HS3ST3A1: variants seen among roughly 807,000 people sequenced by gnomAD.
HS3ST3A1 encodes the protein heparan sulfate glucosamine 3-O-sulfotransferase 3A1.
A neutral mutation model predicts 25.7 loss-of-function variants in HS3ST3A1; 19 were observed. The observed-to-expected ratio is 0.74, with a 90% CI of 0.52 to 1.08. HS3ST3A1 has a LOEUF of 1.08. HS3ST3A1 is among the 50% of genes least tolerant of loss of function. The pLI is 0.00. For missense variants in HS3ST3A1, 459 were observed against 594.3 expected, an observed-to-expected ratio of 0.77 and a Z score of 2.37; for synonymous variants, 226 against 278.6, an observed-to-expected ratio of 0.81 and a Z score of 1.88.
At chr17:13,522,597 ATAT>A in intron 1 of HS3ST3A1, among the ~76,000 whole-genome samples, 1 of 152,282 alleles carries the variant, frequency 6.6e-6, no homozygotes, top group East Asian at 1.9e-4. Context: ...GGCTTATTAT[ATAT>A]TTCAGGAGAC....
chr17:13,588,481 C>T (rs1299149820), intron 1 of HS3ST3A1, among the ~76,000 whole-genome samples: 1 of 152,148 alleles, frequency 6.6e-6, no homozygotes, highest in African/African-American at 2.4e-5. Flanking sequence ...TCAAACATGA[C>T]TTCCATGTAC....
chr17:13,567,348 T>C (rs1476863039), intron 1 of HS3ST3A1, among the ~76,000 whole-genome samples: 1 of 152,238 alleles, frequency 6.6e-6, no homozygotes, highest in Non-Finnish European at 1.5e-5. Flanking sequence ...ATCTAAGATC[T>C]CTGAGGTATA....
chr17:13,514,010 G>A (rs969176635), intron 1 of HS3ST3A1, among the ~76,000 whole-genome samples: 71 of 151,930 alleles, frequency 4.7e-4, no homozygotes, highest in African/African-American at 1.7e-3. Flanking sequence ...GTAAGCATAG[G>A]GAAATGATTT....
At position 13,601,373 on chromosome 17, in the gene HS3ST3A1, G is replaced by T; in HGVS notation, c.-244C>A. ...AGCGGGAAGGGGAACGCGGGTCCGT[G>T]CTTAAGAAACCATCGTCTTAGACTC... is the stretch of plus-strand genomic sequence containing the variant. On this transcript the variant is annotated 5_prime_UTR_variant, in exon 1 of 2. Transcript: ENST00000284110. The T allele has an allele frequency of 6.4e-6, 3 of 471,404 alleles. No homozygotes were observed. Among genetic ancestry groups the T allele is most frequent in the Non-Finnish European group, 7.4e-6 (2 of 271,058 alleles). The allele number at this position is 471,404 out of a possible 1,614,324, so 29.2% of individuals were successfully genotyped here. A position where few individuals can be genotyped will look rare whatever the true frequency, so the allele number is the denominator to read the frequency against.
intron 1 of HS3ST3A1, among the ~76,000 whole-genome samples, chr17:13,585,162 A>C (rs111627268): frequency 2.1e-4 from 31 of 146,224 alleles, no homozygotes; most frequent in African/African-American, 6.3e-4. Context: ...CGCCAATTAC[A>C]ATCTAAATAC....
chr17:13,505,187 A>C (rs1297447588), intron 1 of HS3ST3A1, among the ~76,000 whole-genome samples: 2 of 152,190 alleles, frequency 1.3e-5, no homozygotes, highest in African/African-American at 4.8e-5. Context: ...GATAAGAGAA[A>C]GTCAGCAGCC....
intron 1 of HS3ST3A1, among the ~76,000 whole-genome samples, chr17:13,505,888 G>A (rs906993151): frequency 6.6e-6 from 1 of 151,926 alleles, no homozygotes; most frequent in African/African-American, 2.4e-5. Flanking sequence ...GCCGGGTGTG[G>A]TGGCGCGTGC....
intron 1 of HS3ST3A1, among the ~76,000 whole-genome samples, chr17:13,591,561 A>C (rs1908423992): frequency 6.6e-6 from 1 of 152,224 alleles, no homozygotes; most frequent in Non-Finnish European, 1.5e-5. Context: ...TAGTTATTCC[A>C]TAATAGGCCA....
chr17:13,500,690 G>A (rs1220336094), intron 1 of HS3ST3A1, among the ~76,000 whole-genome samples: 2 of 152,104 alleles, frequency 1.3e-5, no homozygotes, highest in African/African-American at 2.4e-5. Context: ...TGAGGAAATG[G>A]GTTGAGACCA....
intron 1 of HS3ST3A1, among the ~76,000 whole-genome samples, chr17:13,522,853 G>GACACACACAC (rs374742145): frequency 4.7e-5 from 7 of 148,456 alleles, no homozygotes; most frequent in East Asian, 2.0e-4. Flanking sequence ...CACACAGAGA[G>GACACACACAC]ACACACACAC....
intron 1 of HS3ST3A1, among the ~76,000 whole-genome samples, chr17:13,576,769 C>G (rs1212111384): frequency 3.9e-5 from 6 of 152,214 alleles, no homozygotes; most frequent in African/African-American, 1.4e-4. Context: ...AATTAGTTCA[C>G]TATTCCTAGA....
chr17:13,586,309 C>T (rs1908266607), intron 1 of HS3ST3A1, among the ~76,000 whole-genome samples: 1 of 152,162 alleles, frequency 6.6e-6, no homozygotes, highest in East Asian at 1.9e-4. Context: ...TGCTCTAGTT[C>T]AAGCCTCTAT....
chr17:13,590,944 G>A (rs888397178), intron 1 of HS3ST3A1, among the ~76,000 whole-genome samples: 7 of 152,110 alleles, frequency 4.6e-5, no homozygotes, highest in Admixed American at 3.3e-4. Context: ...GGACCTCAGG[G>A]TAGCTCGGTG....
intron 1 of HS3ST3A1, among the ~76,000 whole-genome samples, chr17:13,564,499 A>C (rs937561709): frequency 8.5e-5 from 13 of 152,182 alleles, no homozygotes; most frequent in African/African-American, 3.1e-4. Context: ...ACCTACACAC[A>C]TCCTCCTGTA....
intron 1 of HS3ST3A1, among the ~76,000 whole-genome samples, chr17:13,514,941 T>C (rs370039201): frequency 3.9e-4 from 60 of 152,338 alleles, no homozygotes; most frequent in Admixed American, 1.2e-3. Context: ...ATAAAAGCCA[T>C]ATAATTTTCC....
At chr17:13,519,139 T>C (rs1378354268) in intron 1 of HS3ST3A1, among the ~76,000 whole-genome samples, 1 of 152,226 alleles carries the variant, frequency 6.6e-6, no homozygotes, top group African/African-American at 2.4e-5. Context: ...ATGTACCCTC[T>C]AAGAAATTGA....
intron 1 of HS3ST3A1, among the ~76,000 whole-genome samples, chr17:13,599,174 G>A (rs1333240805): frequency 6.6e-6 from 1 of 152,136 alleles, no homozygotes; most frequent in Non-Finnish European, 1.5e-5. Flanking sequence ...AACACAAGGG[G>A]ATATTTTAAG....
chr17:13,599,535 C>T (rs1312168923), intron 1 of HS3ST3A1, among the ~76,000 whole-genome samples: 1 of 151,732 alleles, frequency 6.6e-6, no homozygotes, highest in African/African-American at 2.4e-5. Context: ...ACAAGATAAA[C>T]TTTATAAAAT....
In HS3ST3A1 at chr17:13,600,603, G is replaced by C; in HGVS notation, c.527C>G (p.Pro176Arg). 1 of 1,600,210 alleles carries C rather than the reference G, an allele frequency of 6.2e-7. No individual in the cohort carries two copies. The highest frequency in any genetic ancestry group is 8.5e-7 in the Non-Finnish European group (1 of 1,177,912). ...RALLEFLRVH[P>R]DVRAVGAEPH... ...CTCGGCGCCCACGGCGCGCACGTCG[G>C]GGTGCACGCGCAGGAACTCCAGCAG... The change falls in exon 1 of 2, where the codon CCC (proline) becomes CGC (arginine). Residue 176 changes from proline to arginine, a missense_variant. Around this residue, in one of 3 missense-constraint regions of HS3ST3A1, gnomAD observed 346 missense variants for 303.9 expected, o/e 1.14. Transcript: ENST00000284110.
Sources: allele counts gnomAD v4.1 joint callset (sites outside exome capture counted in the v4.1 genomes callset), GRCh38; gene constraint gnomAD v4.1.1; regional missense constraint gnomAD v4.1.1; transcripts MANE v1.5; gene names NCBI Gene and HGNC (gene_info 2026-07-23, HGNC 2026-07-21).